YPEL2: variants seen among roughly 807,000 people sequenced by gnomAD.
The protein encoded by YPEL2 is yippee like 2.
Under a neutral mutation model 19.1 loss-of-function variants are expected in YPEL2, and 2 were observed. The ratio of observed to expected loss-of-function variants is 0.10; its 90% CI spans 0.04 to 0.33. The LOEUF (loss-of-function observed/expected upper bound fraction) is 0.33. Ranked by LOEUF, YPEL2 falls within the 10% of genes least tolerant of loss-of-function variation. The pLI is 1.00. For synonymous variants in YPEL2, 52 were observed against 50.0 expected, an observed-to-expected ratio of 1.04 and a Z score of -0.17; for missense variants, 66 against 140.7, an observed-to-expected ratio of 0.47 and a Z score of 2.68.
chr17:59,353,664 C>T lies in YPEL2; in HGVS notation c.117+138C>T, dbSNP rs754698532. 2.7e-6 allele frequency: 2 copies of T among 736,654 alleles called. No individual in the cohort carries two copies. The highest frequency in any genetic ancestry group is 1.4e-5 in the South Asian group (1 of 70,984). The allele number at this position is 736,654 out of a possible 1,614,324, so 45.6% of individuals were successfully genotyped here. The stretch of plus-strand genomic sequence containing the variant: ...GGAGGGCTGACCCACGTGACCGTCT[C>T]ACTCAACTGAGAAAAACTCTGAGTT... On this transcript the variant is annotated intron_variant, in intron 2 of 4. Transcript: ENST00000312655. The surrounding 1 kb of genome is among the most constrained non-coding windows in gnomAD (Gnocchi z 4.8).
At chr17:59,364,756 C>T (rs958299114) in intron 2 of YPEL2, among the ~76,000 whole-genome samples, 2 of 152,004 alleles carry the variant, frequency 1.3e-5, no homozygotes, top group Non-Finnish European at 2.9e-5. Flanking sequence ...AGCTGGATTA[C>T]AGGTGCCTGC....
intron 1 of YPEL2, among the ~76,000 whole-genome samples, chr17:59,346,633 T>C (rs2047757919): frequency 6.6e-6 from 1 of 152,136 alleles, no homozygotes; most frequent in Non-Finnish European, 1.5e-5. Flanking sequence ...TGATGGTGTT[T>C]AGCTTCTACT....
chr17:59,396,230 A>AT (rs1371280591), intron 4 of YPEL2, among the ~76,000 whole-genome samples: 3 of 152,370 alleles, frequency 2.0e-5, no homozygotes, highest in African/African-American at 7.2e-5. Flanking sequence ...TTATATATGT[A>AT]AATGTACTAA....
chr17:59,395,635 GT>G (rs1380433168), intron 4 of YPEL2, among the ~76,000 whole-genome samples: 3 of 152,124 alleles, frequency 2.0e-5, no homozygotes, highest in Non-Finnish European at 2.9e-5. Context: ...GGACTGCCAG[GT>G]TCTCTGGCCT....
intron 1 of YPEL2, among the ~76,000 whole-genome samples, chr17:59,333,099 C>T (rs747501320): frequency 6.6e-6 from 1 of 152,246 alleles, no homozygotes; most frequent in Non-Finnish European, 1.5e-5. Context: ...TTATTGCTCC[C>T]CCGTGCTTTC....
intron 2 of YPEL2, among the ~76,000 whole-genome samples, chr17:59,364,876 C>T (rs778400720): frequency 1.3e-5 from 2 of 152,206 alleles, no homozygotes; most frequent in Non-Finnish European, 2.9e-5. Context: ...AGGTGATCCA[C>T]TGGCCTCGGC....
At chr17:59,368,029 C>T (rs2047878972) in intron 2 of YPEL2, among the ~76,000 whole-genome samples, 1 of 152,160 alleles carries the variant, frequency 6.6e-6, no homozygotes, top group African/African-American at 2.4e-5. Flanking sequence ...TATATTAAAT[C>T]CTACTGTATG....
chr17:59,350,502 C>T (rs1270239226), intron 1 of YPEL2, among the ~76,000 whole-genome samples: 6 of 152,158 alleles, frequency 3.9e-5, no homozygotes, highest in Non-Finnish European at 7.4e-5. Context: ...TTTCTAGCAC[C>T]AGACAGCCTG....
At chr17:59,344,124 G>A (rs1487267455) in intron 1 of YPEL2, among the ~76,000 whole-genome samples, 4 of 152,176 alleles carry the variant, frequency 2.6e-5, no homozygotes, top group African/African-American at 9.7e-5. Flanking sequence ...GAACTCCTGG[G>A]CTCAAATGAT....
intron 2 of YPEL2, among the ~76,000 whole-genome samples, chr17:59,380,923 A>G (rs186419018): frequency 2.0e-5 from 3 of 152,346 alleles, no homozygotes; most frequent in Admixed American, 6.5e-5. Flanking sequence ...GGCGTAATAG[A>G]GAAAGAGGGA....
intron 2 of YPEL2, among the ~76,000 whole-genome samples, chr17:59,386,045 G>C (rs148576303): frequency 3.3e-5 from 5 of 152,154 alleles, no homozygotes; most frequent in Admixed American, 6.5e-5. Context: ...AAAACAGGCC[G>C]GGTGCGGTGG....
chr17:59,345,486 G>T (rs183846322), intron 1 of YPEL2, among the ~76,000 whole-genome samples: 31 of 152,248 alleles, frequency 2.0e-4, no homozygotes, highest in Non-Finnish European at 4.0e-4. Flanking sequence ...AGAAGTTTTA[G>T]CAGTGGCCCC....
At chr17:59,341,323 C>T (rs2047729019) in intron 1 of YPEL2, among the ~76,000 whole-genome samples, 2 of 151,434 alleles carry the variant, frequency 1.3e-5, no homozygotes, top group Admixed American at 1.3e-4. Flanking sequence ...ACCCGGGAGG[C>T]GGAGCTTGCA....
intron 1 of YPEL2, among the ~76,000 whole-genome samples, chr17:59,340,370 A>G (rs561939866): frequency 6.6e-6 from 1 of 151,844 alleles, no homozygotes; most frequent in South Asian, 2.1e-4. Context: ...TGGCCTCCCA[A>G]AGTGCTGGGA....
Position 59,382,349 on chromosome 17 carries a change from C to A in YPEL2, c.118-5978C>A, listed in dbSNP as rs140273343. Among the ~76,000 whole-genome samples, 37 of 148,960 alleles carry A rather than the reference C, an allele frequency of 2.5e-4. 1 individual carries two copies. The East Asian group carries it at 7.5e-3, about 30-fold the overall frequency. On this transcript the variant is annotated intron_variant, in intron 2 of 4. Transcript: ENST00000312655. ...TGGAGGTGCCTTAGGGCCTGGCTGG[C>A]ATTTCTCTGCTCTGCCACGTGCCAT...
intron 2 of YPEL2, among the ~76,000 whole-genome samples, chr17:59,370,166 CCAGCCT>C (rs369047452): frequency 6.6e-6 from 1 of 152,210 alleles, no homozygotes; most frequent in African/African-American, 2.4e-5. Flanking sequence ...ACGCCATTCT[CCAGCCT>C]CAGCCTCAGC....
chr17:59,388,499 T>A (rs1348952122), intron 3 of YPEL2, 129 bp downstream of exon 3: 1 of 907,242 alleles, frequency 1.1e-6, no homozygotes, highest in Non-Finnish European at 1.8e-6. Flanking sequence ...GGAGCATTAC[T>A]GTCCACAATT....
At chr17:59,393,408 T>C (rs1402777328) in intron 4 of YPEL2, among the ~76,000 whole-genome samples, 3 of 151,556 alleles carry the variant, frequency 2.0e-5, no homozygotes, top group Non-Finnish European at 4.4e-5. Flanking sequence ...GGGTTAGGAT[T>C]ATGGGTGTGA....
chr17:59,396,783 G>T (rs2048041476), intron 4 of YPEL2, among the ~76,000 whole-genome samples: 1 of 152,160 alleles, frequency 6.6e-6, no homozygotes, highest in Non-Finnish European at 1.5e-5. Context: ...ATCCCAGCAG[G>T]CATGAGGGAG....
Sources: gnomAD v4.1 joint callset for allele counts (sites outside exome capture counted in the v4.1 genomes callset) on GRCh38, gnomAD v4.1.1 for gene constraint, Gnocchi (gnomAD v3.1) non-coding constraint, MANE v1.5 for transcripts, NCBI Gene and HGNC (gene_info 2026-07-23, HGNC 2026-07-21) for gene names.